The following PRELID2 variants were observed in gnomAD, a reference collection of about 807,000 sequenced individuals.
PRELID2 encodes the protein PRELI domain-containing protein 2.
Under a neutral mutation model 28.4 loss-of-function variants are expected in PRELID2, and 25 were observed. That is an observed-to-expected ratio of 0.88 (90% CI 0.64 to 1.23). PRELID2 has a LOEUF of 1.23. Among genes scored for constraint, PRELID2 ranks in the 50% most tolerant of loss-of-function variants. The pLI is 0.00. For synonymous variants in PRELID2, 76 were observed against 71.6 expected, an observed-to-expected ratio of 1.06 and a Z score of -0.31; for missense variants, 201 against 214.4, an observed-to-expected ratio of 0.94 and a Z score of 0.39.
intron 1 of PRELID2, among the ~76,000 whole-genome samples, chr5:145,497,110 C>T (rs565544973): frequency 4.6e-5 from 7 of 152,226 alleles, no homozygotes; most frequent in African/African-American, 1.4e-4. Context: ...GTGATCCTCC[C>T]ACCTCAACCT....
the PRELID2 span, among the ~76,000 whole-genome samples, chr5:145,279,728 C>T: frequency 1.3e-5 from 2 of 150,636 alleles, no homozygotes; most frequent in Non-Finnish European, 2.9e-5. Context: ...AATGTCACTG[C>T]TATTTTATCA....
At chr5:145,800,289 C>T (rs1397383060) in intron 4 of PRELID2, among the ~76,000 whole-genome samples, 1 of 130,768 alleles carries the variant, frequency 7.6e-6, no homozygotes, top group Non-Finnish European at 1.6e-5. Flanking sequence ...CTTCCCTTTC[C>T]TCCCCTTCTC....
chr5:145,552,319 C>T (rs1396514920), intron 1 of PRELID2, among the ~76,000 whole-genome samples: 1 of 152,092 alleles, frequency 6.6e-6, no homozygotes, highest in Admixed American at 6.6e-5. Context: ...CCACCTTCTC[C>T]CCCTGCAGCC....
chr5:145,460,223 T>A, the PRELID2 span, among the ~76,000 whole-genome samples: 1 of 152,218 alleles, frequency 6.6e-6, no homozygotes, highest in Non-Finnish European at 1.5e-5. Flanking sequence ...CACCTGGCCA[T>A]ACGTTTCAGG....
intron 1 of PRELID2, among the ~76,000 whole-genome samples, chr5:145,494,710 T>C (rs1417360788): frequency 1.3e-5 from 2 of 152,184 alleles, no homozygotes; most frequent in Non-Finnish European, 1.5e-5. Flanking sequence ...ATGTATTATG[T>C]ACCATGAGAA....
the PRELID2 span, among the ~76,000 whole-genome samples, chr5:145,325,009 A>C: frequency 6.7e-4 from 102 of 152,312 alleles, 1 homozygote; most frequent in Admixed American, 5.8e-3. Flanking sequence ...TCTCCTGGAG[A>C]TGATAATACC....
At chr5:145,609,848 G>A (rs1753585757) in intron 1 of PRELID2, among the ~76,000 whole-genome samples, 1 of 152,224 alleles carries the variant, frequency 6.6e-6, no homozygotes, top group African/African-American at 2.4e-5. Flanking sequence ...ACAACAGGAG[G>A]CTGCAGCCAC....
chr5:145,834,294 C>T (rs1027632984), intron 1 of PRELID2, among the ~76,000 whole-genome samples: 21 of 152,252 alleles, frequency 1.4e-4, no homozygotes, highest in African/African-American at 4.8e-4. Context: ...GTGGTCCCCT[C>T]CTCACCCAAC....
At chr5:145,363,051 T>C in the PRELID2 span, among the ~76,000 whole-genome samples, 1 of 147,408 alleles carries the variant, frequency 6.8e-6, no homozygotes, top group African/African-American at 2.5e-5. Flanking sequence ...AGAGATTAAT[T>C]AGTTTTTCAA....
chr5:145,377,761 G>T, the PRELID2 span, among the ~76,000 whole-genome samples: 5 of 151,958 alleles, frequency 3.3e-5, no homozygotes, highest in Non-Finnish European at 7.4e-5. Flanking sequence ...TCAAGAAATG[G>T]GTCTCTTGAA....
At chr5:145,761,620 A>G (rs1757480360) in intron 6 of PRELID2, among the ~76,000 whole-genome samples, 1 of 152,212 alleles carries the variant, frequency 6.6e-6, no homozygotes, top group African/African-American at 2.4e-5. Flanking sequence ...AGGACCAGAC[A>G]GTAAATATTA....
At chr5:145,811,654 G>A (rs1753948625) in intron 4 of PRELID2, among the ~76,000 whole-genome samples, 1 of 152,168 alleles carries the variant, frequency 6.6e-6, no homozygotes, top group South Asian at 2.1e-4. Context: ...GAGACCCTGT[G>A]CAGGCCTGGA....
chr5:145,628,130 C>T (rs17103537), intron 1 of PRELID2, among the ~76,000 whole-genome samples: 5,327 of 152,022 alleles, frequency 0.035, 282 homozygotes, highest in African/African-American at 0.12. Context: ...TGTCTAATTG[C>T]CCAAAATATA....
At chr5:145,733,172 G>A (rs1265880275) in intron 1 of PRELID2, among the ~76,000 whole-genome samples, 1 of 151,956 alleles carries the variant, frequency 6.6e-6, no homozygotes, top group East Asian at 1.9e-4. Flanking sequence ...TGAGGTGGGA[G>A]GATCACTTGA....
chr5:145,453,460 C>T, the PRELID2 span, among the ~76,000 whole-genome samples: 3 of 152,122 alleles, frequency 2.0e-5, no homozygotes, highest in South Asian at 2.1e-4. Flanking sequence ...TTTTTTATTT[C>T]GTTTATTTAT....
intron 1 of PRELID2, among the ~76,000 whole-genome samples, chr5:145,681,749 C>T (rs931029306): frequency 2.0e-5 from 3 of 152,262 alleles, no homozygotes; most frequent in African/African-American, 7.2e-5. Context: ...TCTGTTTCAA[C>T]CCCAGTGTGC....
the PRELID2 span, among the ~76,000 whole-genome samples, chr5:145,333,993 A>G: frequency 1.3e-5 from 2 of 152,108 alleles, no homozygotes; most frequent in African/African-American, 4.8e-5. Context: ...GCACTCTTCC[A>G]CATAGCACAG....
chr5:145,326,605 A>T, the PRELID2 span, among the ~76,000 whole-genome samples: 1 of 152,222 alleles, frequency 6.6e-6, no homozygotes, highest in Non-Finnish European at 1.5e-5. Context: ...CATAATAGTG[A>T]GTCTAGAAGA....
chr5:145,507,091 T>C (rs564375644), intron 1 of PRELID2, among the ~76,000 whole-genome samples: 7 of 152,178 alleles, frequency 4.6e-5, no homozygotes, highest in Admixed American at 2.6e-4. Context: ...GCTCAATAAA[T>C]CCTTATAAGA....
Sources: gnomAD v4.1 joint callset for allele counts (sites outside exome capture counted in the v4.1 genomes callset) on GRCh38, gnomAD v4.1.1 for gene constraint, MANE v1.5 for transcripts, NCBI Gene and HGNC (gene_info 2026-07-23, HGNC 2026-07-21) for gene names.